Variants in MET observed in about 807,000 individuals in gnomAD.
MET encodes hepatocyte growth factor receptor.
MET carries 48 observed loss-of-function variants against 133.1 expected under a neutral mutation model. That is an observed-to-expected ratio of 0.36 (90% CI 0.29 to 0.46). MET has a LOEUF of 0.46. Ranked by LOEUF, MET falls within the 20% of genes least tolerant of loss-of-function variation. MET has a pLI of 1.00. For synonymous variants in MET, 628 were observed against 616.5 expected, an observed-to-expected ratio of 1.02 and a Z score of -0.28; for missense variants, 1,442 against 1,695.9, an observed-to-expected ratio of 0.85 and a Z score of 2.63.
intron 2 of MET, among the ~76,000 whole-genome samples, chr7:116,700,702 T>C (rs996183018): frequency 6.6e-6 from 1 of 152,206 alleles, no homozygotes; most frequent in Non-Finnish European, 1.5e-5. Flanking sequence ...TACAAGATGT[T>C]CAAGCTAATT....
chr7:116,765,240 C>T (rs1363407146), intron 11 of MET, among the ~76,000 whole-genome samples: 1 of 130,364 alleles, frequency 7.7e-6, no homozygotes, highest in East Asian at 2.2e-4. Context: ...GCGGAGGTTG[C>T]AGTGAGCCAA....
intron 2 of MET, among the ~76,000 whole-genome samples, chr7:116,728,668 G>C (rs1479473084): frequency 6.6e-6 from 1 of 152,168 alleles, no homozygotes; most frequent in Non-Finnish European, 1.5e-5. Flanking sequence ...CTTTGCAGAT[G>C]CACTAATTTT....
chr7:116,676,937 A>G (rs1054713562), intron 1 of MET, among the ~76,000 whole-genome samples: 7 of 152,052 alleles, frequency 4.6e-5, no homozygotes, highest in African/African-American at 1.2e-4. Flanking sequence ...GGAGTGGCCC[A>G]CATCTCTTGG....
At chr7:116,759,941 A>G (rs1794332285) in intron 10 of MET, among the ~76,000 whole-genome samples, 1 of 152,036 alleles carries the variant, frequency 6.6e-6, no homozygotes, top group African/African-American at 2.4e-5. Context: ...ATGCCTGGCT[A>G]ATTTTTGTAT....
intron 5 of MET, among the ~76,000 whole-genome samples, chr7:116,742,646 A>C (rs902103215): frequency 2.0e-5 from 3 of 152,260 alleles, no homozygotes; most frequent in Non-Finnish European, 4.4e-5. Context: ...CTATACTAAA[A>C]TGCTTAAAAA....
rs1022059664 is a variant in MET at position 116,794,083 on chromosome 7, CTT to C, written c.3799-1570_3799-1569del. On this transcript the variant is annotated intron_variant, in intron 19 of 20. Coordinates refer to ENST00000397752, the MANE Select transcript of MET (RefSeq NM_000245.4). Reference sequence around the variant, plus strand: ...CTTTCTCAGTACCCTACTATTATCTCTTTGACTTTTGGCAACCTTTGTACCTC... The same window carrying C: ...CTTTCTCAGTACCCTACTATTATCTCTGACTTTTGGCAACCTTTGTACCTC... Among the ~76,000 whole-genome samples, 165 of 152,204 alleles carry C rather than the reference CTT, an allele frequency of 1.1e-3. 2 individuals carry two copies. The highest frequency in any genetic ancestry group is 3.9e-3 in the African/African-American group (160 of 41,530).
Position 116,774,940 on chromosome 7 carries a change from G to A in MET, c.3088G>A (p.Asp1030Asn). The A allele has an allele frequency of 6.2e-7, 1 of 1,614,148 alleles. No individual in the cohort carries two copies. The highest frequency in any genetic ancestry group is 8.5e-7 in the Non-Finnish European group (1 of 1,179,996). ...CCGACAAGTGCAGTATCCTCTGACA[G>A]ACATGTCCCCCATCCTAACTAGTGG... The part of the protein sequence containing the change: ...SCRQVQYPLT[D>N]MSPILTSGDS... Residue 1030 changes from aspartate to asparagine, a missense_variant, in exon 15 of 21, where the codon GAC becomes AAC. Transcript: ENST00000397752.
intron 2 of MET, 67 bp from the exon 3 acceptor site, chr7:116,731,601 G>A (rs2116777863): frequency 3.9e-6 from 6 of 1,545,080 alleles, no homozygotes; most frequent in Non-Finnish European, 5.4e-6. Context: ...AATACACACT[G>A]AAAGGTTTCT....
intron 6 of MET, among the ~76,000 whole-genome samples, chr7:116,756,777 A>G (rs891182363): frequency 1.3e-5 from 2 of 152,202 alleles, no homozygotes; most frequent in African/African-American, 4.8e-5. Flanking sequence ...TAGTTAGCCC[A>G]TTGTTTCATA....
Position 116,700,065 on chromosome 7 carries a change from C to T in MET, c.981C>T (p.Ala327=), listed in dbSNP as rs2116602483. 1 of 1,613,490 alleles carries T rather than the reference C, an allele frequency of 6.2e-7. No individual in the cohort carries two copies. ...CTGCGTATGTCAGCAAGCCTGGGGC[C>T]CAGCTTGCTAGACAAATAGGAGCCA... The part of the protein sequence containing the change: ...LQAAYVSKPG[A]QLARQIGASL... The change falls in exon 2 of 21, where the codon GCC becomes GCT. Residue 327 remains alanine, a synonymous_variant. Coordinates refer to ENST00000397752, the MANE Select transcript of MET (RefSeq NM_000245.4).
chr7:116,797,829 T>A lies in MET; in HGVS notation c.*1705T>A. The A allele has an allele frequency of 4.5e-6, 1 of 224,692 alleles. No homozygotes were observed. Among genetic ancestry groups the A allele is most frequent in the Non-Finnish European group, 8.9e-6 (1 of 112,710 alleles). The allele number at this position is 224,692 out of a possible 1,614,324, so 13.9% of individuals were successfully genotyped here. A position where few individuals can be genotyped will look rare whatever the true frequency, so the allele number is the denominator to read the frequency against. On this transcript the variant is annotated 3_prime_UTR_variant, in exon 21 of 21. Transcript: ENST00000397752. Reference sequence around the variant, plus strand: ...CATCATCAGGACTTGAAGCCAAGGGTTAACCCAGCAAGCTACAAAGAGGGT... The same window carrying A: ...CATCATCAGGACTTGAAGCCAAGGGATAACCCAGCAAGCTACAAAGAGGGT...
intron 17 of MET, among the ~76,000 whole-genome samples, chr7:116,779,913 C>T (rs2117053102): frequency 6.6e-6 from 1 of 152,146 alleles, no homozygotes; most frequent in South Asian, 2.1e-4. Flanking sequence ...TATTGAATAG[C>T]ACTGTAGTAG....
chr7:116,769,216 C>T (rs920139811), intron 11 of MET, among the ~76,000 whole-genome samples: 6 of 152,182 alleles, frequency 3.9e-5, no homozygotes, highest in Admixed American at 6.5e-5. Context: ...AAAGTTTTCA[C>T]GGTGATTCCA....
chr7:116,716,877 G>A (rs538346198), intron 2 of MET, among the ~76,000 whole-genome samples: 6 of 152,310 alleles, frequency 3.9e-5, no homozygotes, highest in Admixed American at 2.0e-4. Context: ...CTGTGCTCCC[G>A]GCTGTCTGGC....
chr7:116,676,147 A>G (rs1322431113), intron 1 of MET, among the ~76,000 whole-genome samples: 1 of 152,224 alleles, frequency 6.6e-6, no homozygotes, highest in Non-Finnish European at 1.5e-5. Context: ...ATACCCAGGT[A>G]CACATATTTC....
intron 2 of MET, among the ~76,000 whole-genome samples, chr7:116,722,228 A>T (rs1351783172): frequency 2.0e-5 from 3 of 150,996 alleles, no homozygotes; most frequent in Non-Finnish European, 3.0e-5. Context: ...TGATCCCTTT[A>T]CCATTATGTA....
At chr7:116,702,177 C>G (rs970867744) in intron 2 of MET, among the ~76,000 whole-genome samples, 16 of 152,094 alleles carry the variant, frequency 1.1e-4, no homozygotes, top group African/African-American at 3.9e-4. Context: ...CCAAAATGCA[C>G]TAGCCACACC....
chr7:116,693,127 T>A (rs1796834344), intron 1 of MET, among the ~76,000 whole-genome samples: 1 of 152,122 alleles, frequency 6.6e-6, no homozygotes, highest in Non-Finnish European at 1.5e-5. Flanking sequence ...GATGAGGAAG[T>A]GAAAGCAATA....
chr7:116,759,531 C>A (rs2116939885), intron 10 of MET, 41 bp downstream of exon 10: 1 of 1,597,046 alleles, frequency 6.3e-7, no homozygotes, highest in Non-Finnish European at 8.5e-7. Flanking sequence ...AGCTCTGCAT[C>A]TTTGCCTCTA....
Sources: allele counts gnomAD v4.1 joint callset (sites outside exome capture counted in the v4.1 genomes callset), GRCh38; gene constraint gnomAD v4.1.1; transcripts MANE v1.5; gene names NCBI Gene and HGNC (gene_info 2026-07-23, HGNC 2026-07-21).